Variants in GRIA1 observed in about 807,000 individuals in gnomAD.
GRIA1 encodes the protein glutamate ionotropic receptor AMPA type subunit 1.
GRIA1 carries 31 observed loss-of-function variants against 99.2 expected under a neutral mutation model. The observed-to-expected ratio is 0.31, with a 90% CI of 0.23 to 0.42. The LOEUF is 0.42. Ranked by LOEUF, GRIA1 falls within the 10% of genes least tolerant of loss-of-function variation. The pLI, the probability that GRIA1 is intolerant of heterozygous loss-of-function variation, is 1.00. For missense variants in GRIA1, 782 were observed against 1,157.5 expected (o/e 0.68, Z 4.71); for synonymous variants, 438 against 432.4 (o/e 1.01, Z -0.16).
chr5:153,773,233 G>A (rs1763998637), intron 13 of GRIA1, among the ~76,000 whole-genome samples: 1 of 152,172 alleles, frequency 6.6e-6, no homozygotes, highest in South Asian at 2.1e-4. Context: ...GAGTTAAGTT[G>A]CCTGATCAGG....
chr5:153,640,034 G>A (rs1449995807), intron 2 of GRIA1, among the ~76,000 whole-genome samples: 1 of 152,198 alleles, frequency 6.6e-6, no homozygotes, highest in Non-Finnish European at 1.5e-5. Context: ...ATCATGTCAG[G>A]CACCTGAAGA....
intron 2 of GRIA1, among the ~76,000 whole-genome samples, chr5:153,541,840 G>A (rs1759128245): frequency 6.9e-6 from 1 of 144,548 alleles, no homozygotes; most frequent in East Asian, 2.1e-4. Flanking sequence ...TGAGGCAGGA[G>A]AATCGCTTGA....
At chr5:153,606,626 G>A (rs1451994344) in intron 2 of GRIA1, among the ~76,000 whole-genome samples, 1 of 151,660 alleles carries the variant, frequency 6.6e-6, no homozygotes, top group Non-Finnish European at 1.5e-5. Context: ...TATTTTGTAG[G>A]TATTCAATGT....
At chr5:153,666,803 A>C (rs1321596658) in intron 5 of GRIA1, among the ~76,000 whole-genome samples, 2 of 152,298 alleles carry the variant, frequency 1.3e-5, no homozygotes, top group Non-Finnish European at 2.9e-5. Context: ...CGTGTTAGGT[A>C]CTTGTAATTA....
At chr5:153,639,264 A>G (rs1386798985) in intron 2 of GRIA1, among the ~76,000 whole-genome samples, 1 of 152,212 alleles carries the variant, frequency 6.6e-6, no homozygotes, top group African/African-American at 2.4e-5. Context: ...AGAGCCCTCC[A>G]GGCACCCATG....
intron 11 of GRIA1, among the ~76,000 whole-genome samples, chr5:153,737,717 T>A (rs1243976990): frequency 6.6e-6 from 1 of 152,208 alleles, no homozygotes; most frequent in African/African-American, 2.4e-5. Context: ...CATCTATTAT[T>A]GTATTTGATT....
intron 8 of GRIA1, among the ~76,000 whole-genome samples, chr5:153,691,056 C>T (rs955869246): frequency 1.3e-5 from 2 of 152,180 alleles, no homozygotes; most frequent in Admixed American, 6.5e-5. Flanking sequence ...TTCCTGTTCA[C>T]TCATGTGCCA....
chr5:153,577,062 A>G (rs1762614595), intron 2 of GRIA1, among the ~76,000 whole-genome samples: 1 of 143,848 alleles, frequency 7.0e-6, no homozygotes, highest in African/African-American at 2.6e-5. Context: ...GGATGGATGG[A>G]TGGATGGATG....
At chr5:153,613,471 T>C (rs113027863) in intron 2 of GRIA1, among the ~76,000 whole-genome samples, 66 of 152,342 alleles carry the variant, frequency 4.3e-4, no homozygotes, top group African/African-American at 1.6e-3. Context: ...TAATAGGTAC[T>C]GGGTCTGTAT....
chr5:153,678,041 T>C (rs923964301), intron 7 of GRIA1, among the ~76,000 whole-genome samples: 3 of 152,182 alleles, frequency 2.0e-5, no homozygotes, highest in African/African-American at 7.2e-5. Flanking sequence ...AACAAAGCAT[T>C]GGCCACAATG....
chr5:153,505,770 G>C (rs1755431769), intron 2 of GRIA1, among the ~76,000 whole-genome samples: 1 of 152,200 alleles, frequency 6.6e-6, no homozygotes, highest in Non-Finnish European at 1.5e-5. Context: ...TAGGAAGATA[G>C]ACAATGAATA....
chr5:153,556,479 A>C (rs1760658224), intron 2 of GRIA1, among the ~76,000 whole-genome samples: 1 of 152,178 alleles, frequency 6.6e-6, no homozygotes, highest in Non-Finnish European at 1.5e-5. Context: ...CAAGGCAGTA[A>C]GTCTCATTTT....
chr5:153,543,403 T>C (rs1334357768), intron 2 of GRIA1, among the ~76,000 whole-genome samples: 1 of 152,214 alleles, frequency 6.6e-6, no homozygotes, highest in Non-Finnish European at 1.5e-5. Flanking sequence ...CCTTTTGACT[T>C]CTTTTAGATA....
intron 2 of GRIA1, among the ~76,000 whole-genome samples, chr5:153,516,054 A>G (rs1412072044): frequency 6.6e-6 from 1 of 152,094 alleles, no homozygotes; most frequent in Non-Finnish European, 1.5e-5. Flanking sequence ...CCCTGTCTCT[A>G]CTAAAAATAC....
chr5:153,714,287 A>G (rs968706618), intron 11 of GRIA1, among the ~76,000 whole-genome samples: 1 of 152,186 alleles, frequency 6.6e-6, no homozygotes, highest in South Asian at 2.1e-4. Context: ...ATGGTGAGGA[A>G]TAAAACAGCC....
intron 11 of GRIA1, among the ~76,000 whole-genome samples, chr5:153,718,768 T>C (rs1759840031): frequency 6.6e-6 from 1 of 152,108 alleles, no homozygotes; most frequent in Non-Finnish European, 1.5e-5. Flanking sequence ...TTTCTGAGAC[T>C]CACTGACAGG....
rs140555387 is a variant in GRIA1, at chr5:153,738,439, T to C, written c.1824-25995T>C. On this transcript the variant is annotated intron_variant, in intron 11 of 15. Coordinates refer to ENST00000285900, the MANE Select transcript of GRIA1 (RefSeq NM_000827.4). ...AGCTTCAGTTTCCCCATTCATAAAA[T>C]AGCGCTAAATATGACTTCCCTCATA... Among the ~76,000 whole-genome samples, 1,300 of 152,276 alleles carry C rather than the reference T, an allele frequency of 8.5e-3. 7 individuals carry two copies. The highest frequency in any genetic ancestry group is 0.014 in the South Asian group (66 of 4,822).
intron 2 of GRIA1, among the ~76,000 whole-genome samples, chr5:153,606,793 A>G (rs1242278980): frequency 1.3e-5 from 2 of 151,666 alleles, no homozygotes; most frequent in African/African-American, 4.8e-5. Flanking sequence ...GAATACAGTC[A>G]TGTCATTTAT....
At chr5:153,756,780 G>A (rs1177233177) in intron 11 of GRIA1, among the ~76,000 whole-genome samples, 1 of 152,176 alleles carries the variant, frequency 6.6e-6, no homozygotes, top group Non-Finnish European at 1.5e-5. Context: ...TCTGACAACA[G>A]GTTAGATTGT....
Sources: gnomAD v4.1 joint callset for allele counts (sites outside exome capture counted in the v4.1 genomes callset) on GRCh38, gnomAD v4.1.1 for gene constraint, MANE v1.5 for transcripts, NCBI Gene and HGNC (gene_info 2026-07-23, HGNC 2026-07-21) for gene names.